USP30: variants seen among roughly 807,000 people sequenced by gnomAD.
USP30 encodes the protein ubiquitin carboxyl-terminal hydrolase 30.
A neutral mutation model predicts 68.2 loss-of-function variants in USP30; 41 were observed. The ratio of observed to expected loss-of-function variants is 0.60; its 90% confidence interval spans 0.47 to 0.78. The LOEUF (loss-of-function observed/expected upper bound fraction) is 0.78. USP30 is among the 30% of genes least tolerant of loss of function. USP30 has a pLI of 0.00. For missense variants in USP30, 522 were observed against 649.4 expected (o/e 0.80, Z 2.13); for synonymous variants, 229 against 253.7 (o/e 0.90, Z 0.93).
chr12:109,026,603 G>A (rs566986602), intron 2 of USP30, among the ~76,000 whole-genome samples: 1 of 151,620 alleles, frequency 6.6e-6, no homozygotes, highest in African/African-American at 2.4e-5. Context: ...TCCTGTAGTA[G>A]ACCGTAGGTG....
chr12:109,054,620 C>G (rs1360248609), intron 1 of USP30: 1 of 152,386 alleles, frequency 6.6e-6, no homozygotes, highest in Non-Finnish European at 1.5e-5. Flanking sequence ...TAGCAGCTAA[C>G]ATTTATTAAG....
chr12:109,069,683 C>T (rs567588208), intron 4 of USP30, among the ~76,000 whole-genome samples: 7 of 152,124 alleles, frequency 4.6e-5, no homozygotes, highest in Admixed American at 1.3e-4. Context: ...AGGCAGGGGT[C>T]GGTGCAGACA....
intron 3 of USP30, among the ~76,000 whole-genome samples, chr12:109,032,311 A>G (rs779754508): frequency 2.9e-4 from 44 of 152,174 alleles, no homozygotes; most frequent in Admixed American, 5.9e-4. Flanking sequence ...AAAAAACAAA[A>G]TAAATGCTCT....
intron 2 of USP30, among the ~76,000 whole-genome samples, chr12:109,026,971 T>C (rs2040449391): frequency 6.6e-6 from 1 of 152,228 alleles, no homozygotes; most frequent in Non-Finnish European, 1.5e-5. Context: ...TCTCATCATG[T>C]CAGCCCCACC....
intron 3 of USP30, among the ~76,000 whole-genome samples, chr12:109,033,545 C>T (rs1189865862): frequency 4.6e-5 from 7 of 152,182 alleles, no homozygotes; most frequent in African/African-American, 1.7e-4. Context: ...AGTACTTTTT[C>T]TCCCTGGCCT....
Position 109,054,558 on chromosome 12 carries a change from AAAAG to A in USP30, c.83+1804_83+1807del, listed in dbSNP as rs750801879. 7 of 152,418 alleles carry A rather than the reference AAAAG, an allele frequency of 4.6e-5. No individual in the cohort carries two copies. In the South Asian group the frequency reaches 1.0e-3, roughly 22 times the overall value. 9.4% of individuals were successfully genotyped at this position (152,418 alleles called of 1,614,324 possible). ...AAAAAATAAAAATAAAAATAAGAAA[AAAAG>A]AAAGAATAGCTTTCATGAATGATCC... On this transcript the variant is annotated intron_variant, in intron 1 of 12. Transcript: ENST00000257548.
At chr12:109,085,440 A>G (rs2041918906) in intron 12 of USP30, among the ~76,000 whole-genome samples, 1 of 152,194 alleles carries the variant, frequency 6.6e-6, no homozygotes, top group African/African-American at 2.4e-5. Context: ...AAACACATAC[A>G]CTCATTGATA....
intron 7 of USP30, among the ~76,000 whole-genome samples, chr12:109,078,470 T>C (rs1021967498): frequency 6.7e-6 from 1 of 149,704 alleles, no homozygotes; most frequent in African/African-American, 2.5e-5. Context: ...CCACCAGTAG[T>C]ATGCAAGAGT....
Position 109,083,066 on chromosome 12 carries a change from T to G in USP30, c.1168+4T>G. 1.3e-6 allele frequency: 2 copies of G among 1,589,838 alleles called. No homozygotes were observed. The highest frequency in any genetic ancestry group is 1.7e-6 in the Non-Finnish European group (2 of 1,168,530). Reference sequence around the variant, plus strand: ...GGGCCGGGAGCCCCCACACCAGGTGTGTGCGCGCGAGGAGCCGATGCAGCA... The same window carrying G: ...GGGCCGGGAGCCCCCACACCAGGTGGGTGCGCGCGAGGAGCCGATGCAGCA... On this transcript the variant is annotated splice_donor_region_variant and intron_variant, in intron 11 of 12. Transcript: ENST00000257548.
intron 3 of USP30, among the ~76,000 whole-genome samples, chr12:109,064,705 T>C (rs1320327300): frequency 6.6e-6 from 1 of 152,354 alleles, no homozygotes; most frequent in Middle Eastern, 3.4e-3. Context: ...TATCCCTTTA[T>C]GCACCTAAGC....
chr12:109,026,729 A>G (rs568366406), intron 2 of USP30, among the ~76,000 whole-genome samples: 7 of 152,010 alleles, frequency 4.6e-5, no homozygotes, highest in Non-Finnish European at 7.4e-5. Flanking sequence ...CGGCCTCCCA[A>G]AGTGTTGAGA....
intron 3 of USP30, among the ~76,000 whole-genome samples, chr12:109,059,145 A>C (rs2040976792): frequency 6.6e-6 from 1 of 152,226 alleles, no homozygotes; most frequent in Non-Finnish European, 1.5e-5. Flanking sequence ...GGAGAGTCAC[A>C]ATATACACTG....
Position 109,086,626 on chromosome 12 carries a change from T to G in USP30, c.*695T>G, listed in dbSNP as rs537907220. On this transcript the variant is annotated 3_prime_UTR_variant, in exon 13 of 13. Coordinates refer to ENST00000257548, the MANE Select transcript of USP30 (RefSeq NM_032663.5). ...AAGAGCTTACTTGTTGCTTTTATCT[T>G]TTGTATATTGGACTGAGATGTAATT... The G allele has an allele frequency of 6.6e-6, 1 of 152,490 alleles. No individual in the cohort carries two copies. The highest frequency in any genetic ancestry group is 2.4e-5 in the African/African-American group (1 of 41,582). 9.4% of individuals were successfully genotyped at this position (152,490 alleles called of 1,614,324 possible).
chr12:109,078,895 T>C (rs1045146713), intron 7 of USP30, among the ~76,000 whole-genome samples: 5 of 152,230 alleles, frequency 3.3e-5, no homozygotes, highest in Admixed American at 3.3e-4. Context: ...TATTTTAAAT[T>C]CATCACTTTA....
chr12:109,081,469 T>C, intron 8 of USP30, 76 bp downstream of exon 8: 2 of 1,462,624 alleles, frequency 1.4e-6, no homozygotes, highest in Non-Finnish European at 9.6e-7. Flanking sequence ...AGGCATTTTA[T>C]GTGGCTCAGG....
chr12:109,053,663 G>A (rs3742028), intron 1 of USP30: 91,746 of 177,618 alleles, frequency 0.52, 26,268 homozygotes, highest in East Asian at 0.82. Context: ...TCCGTAGATA[G>A]GAAGTGTGGC....
At chr12:109,048,871 T>A (rs900357119), upstream of USP30, among the ~76,000 whole-genome samples, 1 of 152,224 alleles carries the variant, frequency 6.6e-6, no homozygotes, top group African/African-American at 2.4e-5. Context: ...TTTGGTATCT[T>A]ATTGCCACAA....
chr12:109,073,570 G>A (rs1566099335), intron 7 of USP30, 38 bp downstream of exon 7: 3 of 1,577,210 alleles, frequency 1.9e-6, no homozygotes, highest in Middle Eastern at 1.7e-4. Context: ...TCCGGGAGAG[G>A]TTTTCCAAAA....
chr12:109,035,225 T>G (rs1370317057), intron 3 of USP30, among the ~76,000 whole-genome samples: 1 of 152,162 alleles, frequency 6.6e-6, no homozygotes, highest in East Asian at 1.9e-4. Context: ...TCTTCTTTTG[T>G]GTTCAATATA....
Sources: allele counts gnomAD v4.1 joint callset (sites outside exome capture counted in the v4.1 genomes callset), GRCh38; gene constraint gnomAD v4.1.1; transcripts MANE v1.5; gene names NCBI Gene and HGNC (gene_info 2026-07-23, HGNC 2026-07-21).